The following ZZZ3 variants were observed in gnomAD, a reference collection of about 807,000 sequenced individuals.
The protein encoded by ZZZ3 is zinc finger ZZ-type containing 3.
A neutral mutation model predicts 95.2 loss-of-function variants in ZZZ3; 22 were observed. That is an observed-to-expected ratio of 0.23 (90% CI 0.17 to 0.33). ZZZ3 has a LOEUF of 0.33. Ranked by LOEUF, ZZZ3 falls within the 10% of genes least tolerant of loss-of-function variation. The probability of loss-of-function intolerance (pLI) is 1.00; values close to 1 mark genes in which losing one functional copy is unlikely to be tolerated. For synonymous variants in ZZZ3, 335 were observed against 358.9 expected (o/e 0.93, Z 0.75); for missense variants, 885 against 1,066.5 (o/e 0.83, Z 2.37).
intron 1 of ZZZ3, among the ~76,000 whole-genome samples, chr1:77,670,261 T>A (rs1316390830): frequency 1.8e-5 from 1 of 56,356 alleles, no homozygotes; most frequent in East Asian, 5.2e-4. Flanking sequence ...AACATGCAAT[T>A]TTTTTTTTTT....
intron 5 of ZZZ3, among the ~76,000 whole-genome samples, chr1:77,618,903 C>A (rs1386831110): frequency 6.6e-6 from 1 of 152,110 alleles, no homozygotes; most frequent in Non-Finnish European, 1.5e-5. Context: ...CTTATGGGAA[C>A]AGACCTTAAA....
chr1:77,592,709 A>G (rs1350374650), intron 5 of ZZZ3, among the ~76,000 whole-genome samples: 1 of 152,232 alleles, frequency 6.6e-6, no homozygotes, highest in Non-Finnish European at 1.5e-5. Context: ...ACAAAAATTG[A>G]GCATGTAGCT....
Position 77,565,953 on chromosome 1 carries a change from AG to A in ZZZ3, c.2567+127del, listed in dbSNP as rs1277545221. Reference sequence around the variant, plus strand: ...GATTACAGAAAAAAATTAATTGCCTAGAACAACAAAATTTAATTCACTAAGT... The same window carrying A: ...GATTACAGAAAAAAATTAATTGCCTAAACAACAAAATTTAATTCACTAAGT... On this transcript the variant is annotated intron_variant, in intron 14 of 14. Coordinates refer to ENST00000370801, the MANE Select transcript of ZZZ3 (RefSeq NM_015534.6). 3 of 1,113,116 alleles carry A rather than the reference AG, an allele frequency of 2.7e-6. No homozygotes were observed. The African/African-American group carries it at 4.8e-5, about 18-fold the overall frequency. 69.0% of individuals were successfully genotyped at this position (1,113,116 alleles called of 1,614,324 possible).
chr1:77,682,005 G>T (rs563023084), intron 1 of ZZZ3, among the ~76,000 whole-genome samples: 1 of 151,970 alleles, frequency 6.6e-6, no homozygotes, highest in African/African-American at 2.4e-5. Flanking sequence ...TAACACAGTA[G>T]TAATTAAAAC....
chr1:77,648,138 G>C (rs1474174509), intron 1 of ZZZ3, among the ~76,000 whole-genome samples: 2 of 151,870 alleles, frequency 1.3e-5, no homozygotes, highest in Non-Finnish European at 2.9e-5. Flanking sequence ...GTGGGTGATT[G>C]CTTGAGCCCA....
intron 3 of ZZZ3, among the ~76,000 whole-genome samples, chr1:77,640,079 T>C (rs1453587839): frequency 6.6e-6 from 1 of 152,092 alleles, no homozygotes; most frequent in Non-Finnish European, 1.5e-5. Context: ...AAATCTTCTA[T>C]ACCTATAGGA....
intron 1 of ZZZ3, among the ~76,000 whole-genome samples, chr1:77,653,326 A>C (rs1570616720): frequency 6.6e-6 from 1 of 152,346 alleles, no homozygotes; most frequent in East Asian, 1.9e-4. Flanking sequence ...GTTTCTTTTT[A>C]GGGTGATGCA....
Position 77,632,269 on chromosome 1 carries a change from T to A in ZZZ3, c.1086A>T (p.Ser362=), listed in dbSNP as rs1264876465. The change falls in exon 5 of 15, where the codon TCA becomes TCT. Residue 362 remains serine, a synonymous_variant. Transcript: ENST00000370801. ...PEPSPVLDCV[S]AQMMSLSEPQ... ...GTTCTGATAAAGACATCATTTGAGC[T>A]GAAACACAGTCTAGAACAGGAGATG... The A allele has an allele frequency of 6.2e-7, 1 of 1,614,032 alleles. No individual in the cohort carries two copies. The highest frequency in any genetic ancestry group is 1.7e-5 in the Admixed American group (1 of 60,006).
At chr1:77,623,979 T>C (rs1425181086) in intron 5 of ZZZ3, among the ~76,000 whole-genome samples, 1 of 151,838 alleles carries the variant, frequency 6.6e-6, no homozygotes, top group Non-Finnish European at 1.5e-5. Context: ...TTTATTACTA[T>C]ACATTACAAT....
At chr1:77,673,179 T>C (rs1671942141) in intron 1 of ZZZ3, among the ~76,000 whole-genome samples, 1 of 152,148 alleles carries the variant, frequency 6.6e-6, no homozygotes, top group Non-Finnish European at 1.5e-5. Flanking sequence ...ATCATAACCA[T>C]AGGACTTATA....
At chr1:77,620,314 G>T (rs527581540) in intron 5 of ZZZ3, among the ~76,000 whole-genome samples, 1 of 152,258 alleles carries the variant, frequency 6.6e-6, no homozygotes, top group South Asian at 2.1e-4. Flanking sequence ...ATCATGCAAT[G>T]ATTCATTTTA....
At chr1:77,667,318 G>A (rs1475627518) in intron 1 of ZZZ3, among the ~76,000 whole-genome samples, 1 of 152,156 alleles carries the variant, frequency 6.6e-6, no homozygotes, top group Non-Finnish European at 1.5e-5. Flanking sequence ...TTTAATGAAA[G>A]TAGATGCTTT....
intron 5 of ZZZ3, among the ~76,000 whole-genome samples, chr1:77,599,497 T>G (rs537732133): frequency 6.6e-6 from 1 of 152,186 alleles, no homozygotes; most frequent in Admixed American, 6.5e-5. Flanking sequence ...TGCCATACAA[T>G]TCTTTTCATA....
chr1:77,657,454 T>C (rs995159574), intron 1 of ZZZ3, among the ~76,000 whole-genome samples: 22 of 151,796 alleles, frequency 1.4e-4, no homozygotes, highest in African/African-American at 5.3e-4. Flanking sequence ...GTGGGAAAGA[T>C]GTAGCACTAA....
In ZZZ3 at chr1:77,576,161, G is replaced by C; in HGVS notation, c.2238C>G (p.Phe746Leu). ...ACACTGGCGGTTCATGTGAAGTCAT[G>C]AAAGTGGAAGGCTTAAAGAGATGCT... Reference protein sequence around the residue: ...LNKHLFKPSTFMTSHEPPVYM... With the variant: ...LNKHLFKPSTLMTSHEPPVYM... Residue 746 changes from phenylalanine (F) to leucine (L), a missense_variant, in exon 12 of 15, where the codon TTC becomes TTG. By Grantham distance (22) the Phe-to-Leu change is conservative (BLOSUM62 0). Transcript: ENST00000370801. 6.2e-7 allele frequency: 1 copy of C among 1,613,668 alleles called. No individual in the cohort carries two copies. Among genetic ancestry groups the C allele is most frequent in the South Asian group, 1.1e-5 (1 of 90,988 alleles).
At chr1:77,609,726 A>G (rs1486260581) in intron 5 of ZZZ3, among the ~76,000 whole-genome samples, 1 of 152,174 alleles carries the variant, frequency 6.6e-6, no homozygotes, top group Non-Finnish European at 1.5e-5. Context: ...AGAAATCAGT[A>G]AAAAGAGGAT....
intron 6 of ZZZ3, among the ~76,000 whole-genome samples, 153 bp from the exon 7 acceptor site, chr1:77,582,279 T>C (rs980987630): frequency 2.6e-5 from 4 of 152,210 alleles, no homozygotes; most frequent in Non-Finnish European, 4.4e-5. Context: ...ATAAAGTTAA[T>C]TAATATAGTC....
chr1:77,572,883 C>A (rs1661543916), intron 12 of ZZZ3, among the ~76,000 whole-genome samples: 1 of 149,716 alleles, frequency 6.7e-6, no homozygotes, highest in Admixed American at 6.6e-5. Flanking sequence ...CAGGCTCAAG[C>A]GATCCTCCTG....
At chr1:77,615,472 A>G (rs1425607948) in intron 5 of ZZZ3, among the ~76,000 whole-genome samples, 1 of 152,208 alleles carries the variant, frequency 6.6e-6, no homozygotes, top group Non-Finnish European at 1.5e-5. Context: ...CAGTCCACTA[A>G]GTGTTACATG....
Sources: gnomAD v4.1 joint callset for allele counts (sites outside exome capture counted in the v4.1 genomes callset) on GRCh38, gnomAD v4.1.1 for gene constraint, MANE v1.5 for transcripts, NCBI Gene and HGNC (gene_info 2026-07-23, HGNC 2026-07-21) for gene names.